XIRP2: variants seen among roughly 807,000 people sequenced by gnomAD.
The protein encoded by XIRP2 is xin actin-binding repeat-containing protein 2.
A neutral mutation model predicts 277.0 loss-of-function variants in XIRP2; 236 were observed. That is an observed-to-expected ratio of 0.85 (90% CI 0.77 to 0.95). XIRP2 has a LOEUF of 0.95. Among genes scored for constraint, XIRP2 ranks in the 40% least tolerant of loss-of-function variants. The pLI is 0.00. For synonymous variants in XIRP2, 1,490 were observed against 1,416.5 expected (o/e 1.05, Z -1.17); for missense variants, 4,640 against 4,157.5 (o/e 1.12, Z -3.19).
intron 5 of XIRP2, among the ~76,000 whole-genome samples, chr2:167,228,578 A>C (rs765832853): frequency 6.6e-6 from 1 of 152,142 alleles, no homozygotes; most frequent in Non-Finnish European, 1.5e-5. Flanking sequence ...TAAGTACACT[A>C]ATCTTCCTGG....
At chr2:167,063,844 A>G (rs555965897) in intron 2 of XIRP2, among the ~76,000 whole-genome samples, 16 of 151,774 alleles carry the variant, frequency 1.1e-4, no homozygotes, top group Non-Finnish European at 1.6e-4. Flanking sequence ...TTTAAACAAT[A>G]TATAAACAAT....
intron 2 of XIRP2, among the ~76,000 whole-genome samples, chr2:167,052,156 G>T (rs190106325): frequency 6.6e-6 from 1 of 151,996 alleles, no homozygotes; most frequent in Non-Finnish European, 1.5e-5. Context: ...TACAATGTAA[G>T]TTACAGTACA....
rs1227355420 is a variant in XIRP2, at chr2:167,258,076, T to C, written c.*259T>C. 1 of 1,612,944 alleles carries C rather than the reference T, an allele frequency of 6.2e-7. No individual in the cohort carries two copies. The highest frequency in any genetic ancestry group is 8.5e-7 in the Non-Finnish European group (1 of 1,179,544). ...AAAACACCCTTGTACCTGGAGATCG[T>C]AATGAACATTTAGATGCTGGTAACA... On this transcript the variant is annotated 3_prime_UTR_variant, in exon 11 of 11. Coordinates refer to ENST00000409195, the MANE Select transcript of XIRP2 (RefSeq NM_152381.6).
At chr2:166,960,122 T>C (rs1404800306) in intron 2 of XIRP2, among the ~76,000 whole-genome samples, 1 of 151,814 alleles carries the variant, frequency 6.6e-6, no homozygotes, top group African/African-American at 2.4e-5. Context: ...CTGCAGAATA[T>C]ATATTCATTG....
At position 167,250,210 on chromosome 2, in the gene XIRP2, G is replaced by T. The variant is rs1229753613; in HGVS notation, c.8818G>T (p.Gly2940Cys). 6.2e-7 allele frequency: 1 copy of T among 1,613,544 alleles called. No homozygotes were observed. The highest frequency in any genetic ancestry group is 8.5e-7 in the Non-Finnish European group (1 of 1,179,688). ...VKESQRDDGK[G>C]ALNIVEFLRK... ...AGAATCCCAGCGGGATGATGGAAAA[G>T]GTGCCTTAAATATAGTGGAATTCTT... Residue 2940 changes from glycine (G) to cysteine (C), a missense_variant, in exon 9 of 11, where the codon GGT (glycine) becomes TGT (cysteine). Gly to Cys is a radical substitution (Grantham distance 159). Coordinates refer to ENST00000409195, the MANE Select transcript of XIRP2 (RefSeq NM_152381.6).
chr2:167,065,340 T>A lies in XIRP2; in HGVS notation c.409-70569T>A, dbSNP rs546349926. Among the ~76,000 whole-genome samples the A allele has an allele frequency of 2.0e-5, 3 of 152,004 alleles. No homozygotes were observed. The South Asian group carries it at 6.2e-4, about 31-fold the overall frequency. On this transcript the variant is annotated intron_variant, in intron 2 of 10. Transcript: ENST00000409195. ...TATTCAACTCCTTTGCCCATTTTTT[T>A]AAATTGGGTTGTGTAGTGTTTTGTT...
intron 2 of XIRP2, among the ~76,000 whole-genome samples, chr2:167,096,556 T>C (rs1690324029): frequency 6.6e-6 from 1 of 152,206 alleles, no homozygotes; most frequent in East Asian, 1.9e-4. Context: ...CCTTCACTTC[T>C]GTTTTGATCT....
At chr2:167,084,895 C>T (rs1055062454) in intron 2 of XIRP2, among the ~76,000 whole-genome samples, 1 of 151,364 alleles carries the variant, frequency 6.6e-6, no homozygotes, top group Non-Finnish European at 1.5e-5. Context: ...AAAACCAGCT[C>T]CTGGATTCAT....
Position 166,928,189 on chromosome 2 carries a change from T to C in XIRP2, c.408+24299T>C, listed in dbSNP as rs144943389. On this transcript the variant is annotated intron_variant, in intron 2 of 10. Coordinates refer to ENST00000409195, the MANE Select transcript of XIRP2 (RefSeq NM_152381.6). ...TAAAATGAGCGTAGTTAAAGATAAGTTGGCTATTCCTAAAACCAAGGTGAG... is the reference window on the plus strand; with the variant it reads ...TAAAATGAGCGTAGTTAAAGATAAGCTGGCTATTCCTAAAACCAAGGTGAG... Among the ~76,000 whole-genome samples, 1,461 of 152,168 alleles carry C rather than the reference T, an allele frequency of 9.6e-3. 13 individuals are homozygous for C. Among genetic ancestry groups the C allele is most frequent in the Non-Finnish European group, 0.014 (972 of 67,998 alleles).
At chr2:167,002,392 T>C (rs1296281971) in intron 2 of XIRP2, among the ~76,000 whole-genome samples, 1 of 138,376 alleles carries the variant, frequency 7.2e-6, no homozygotes, top group Non-Finnish European at 1.5e-5. Context: ...ATAATGTTTT[T>C]ATTTAAGTGT....
intron 3 of XIRP2, among the ~76,000 whole-genome samples, chr2:167,206,660 G>A (rs1423811854): frequency 1.3e-5 from 2 of 152,112 alleles, no homozygotes; most frequent in African/African-American, 4.8e-5. Flanking sequence ...ACAATGGGAA[G>A]GGAGAAGGGA....
chr2:167,042,956 A>G (rs774686068), intron 2 of XIRP2, among the ~76,000 whole-genome samples: 7 of 152,096 alleles, frequency 4.6e-5, no homozygotes, highest in Non-Finnish European at 1.0e-4. Context: ...CAACAAATTC[A>G]AAACAACCAA....
chr2:166,892,524 A>G (rs1684129582), intron 1 of XIRP2, among the ~76,000 whole-genome samples: 1 of 152,158 alleles, frequency 6.6e-6, no homozygotes, highest in Non-Finnish European at 1.5e-5. Flanking sequence ...AGAATTTCAA[A>G]GCCAACTTTA....
chr2:167,022,224 G>A (rs1183530432), intron 2 of XIRP2, among the ~76,000 whole-genome samples: 1 of 151,904 alleles, frequency 6.6e-6, no homozygotes, highest in African/African-American at 2.4e-5. Context: ...CAATATTTTG[G>A]ATTCCTAAGA....
At chr2:166,911,570 CA>C (rs1315580032) in intron 2 of XIRP2, among the ~76,000 whole-genome samples, 1 of 152,102 alleles carries the variant, frequency 6.6e-6, no homozygotes, top group Non-Finnish European at 1.5e-5. Flanking sequence ...TCCAATTTTC[CA>C]GTCTGTGTCT....
intron 2 of XIRP2, among the ~76,000 whole-genome samples, chr2:166,974,566 G>T (rs1686662126): frequency 6.6e-6 from 1 of 151,778 alleles, no homozygotes; most frequent in South Asian, 2.1e-4. Flanking sequence ...TTTCCCTGAA[G>T]ATATATAATA....
intron 2 of XIRP2, among the ~76,000 whole-genome samples, chr2:167,075,668 T>C (rs1377944721): frequency 2.0e-5 from 3 of 152,166 alleles, no homozygotes; most frequent in African/African-American, 7.2e-5. Flanking sequence ...TCTTTTTTAG[T>C]TTCGCTCTTG....
chr2:166,962,811 G>A (rs1036283307), intron 2 of XIRP2, among the ~76,000 whole-genome samples: 1 of 151,798 alleles, frequency 6.6e-6, no homozygotes, highest in East Asian at 1.9e-4. Flanking sequence ...TCTAGAAAAG[G>A]TTGTAAATTA....
At chr2:167,112,267 G>A (rs67269716) in intron 2 of XIRP2, among the ~76,000 whole-genome samples, 44,490 of 151,476 alleles carry the variant, frequency 0.29, 8,943 homozygotes, top group African/African-American at 0.57. Flanking sequence ...TTAATTTGAG[G>A]TCTTTCTAAC....
Sources: allele counts gnomAD v4.1 joint callset (sites outside exome capture counted in the v4.1 genomes callset), GRCh38; gene constraint gnomAD v4.1.1; transcripts MANE v1.5; gene names NCBI Gene and HGNC (gene_info 2026-07-23, HGNC 2026-07-21).